LRRC4C: variants seen among roughly 807,000 people sequenced by gnomAD.
LRRC4C encodes the protein leucine-rich repeat-containing protein 4C.
LRRC4C carries 5 observed loss-of-function variants against 33.6 expected under a neutral mutation model. The ratio of observed to expected loss-of-function variants is 0.15; its 90% CI spans 0.08 to 0.31. The LOEUF is 0.31. Ranked by LOEUF, LRRC4C falls within the 10% of genes least tolerant of loss-of-function variation. LRRC4C has a pLI of 1.00. For missense variants in LRRC4C, 560 were observed against 796.7 expected (o/e 0.70, Z 3.58); for synonymous variants, 329 against 302.0 (o/e 1.09, Z -0.93).
intron 3 of LRRC4C, among the ~76,000 whole-genome samples, chr11:40,362,164 G>A (rs150267254): frequency 0.015 from 2,297 of 152,038 alleles, 20 homozygotes; most frequent in Middle Eastern, 0.041. Context: ...AAAACCCTGG[G>A]AAACAATATA....
intron 3 of LRRC4C, among the ~76,000 whole-genome samples, chr11:40,443,729 A>G (rs1951500066): frequency 6.6e-6 from 1 of 152,200 alleles, no homozygotes; most frequent in African/African-American, 2.4e-5. Flanking sequence ...TGAAGGTAGC[A>G]ATATGAAGCA....
chr11:40,367,672 T>A lies in LRRC4C; in HGVS notation c.-269-47951A>T, dbSNP rs542710304. ...CTTTTTTGGAGAACTTAGTTATCCATATATCTTATGTCCTTCTTCAACACT... is the reference window on the plus strand; with the variant it reads ...CTTTTTTGGAGAACTTAGTTATCCAAATATCTTATGTCCTTCTTCAACACT... On this transcript the variant is annotated intron_variant, in intron 3 of 6. Coordinates refer to ENST00000528697, the MANE Select transcript of LRRC4C (RefSeq NM_001258419.2). Among the ~76,000 whole-genome samples the A allele has an allele frequency of 2.6e-5, 4 of 152,270 alleles. No homozygotes were observed. In the East Asian group the frequency reaches 7.7e-4, roughly 29 times the overall value.
At chr11:41,403,100 T>C (rs958452848) in intron 1 of LRRC4C, among the ~76,000 whole-genome samples, 3 of 152,080 alleles carry the variant, frequency 2.0e-5, no homozygotes, top group East Asian at 1.9e-4. Context: ...CTGAAAACTA[T>C]GGTGAGGAGG....
At chr11:40,633,326 T>TCTCTTTCTTTCC in intron 3 of LRRC4C, among the ~76,000 whole-genome samples, 1 of 9,910 alleles carries the variant, frequency 1.0e-4, no homozygotes, top group Admixed American at 1.7e-3. Context: ...AAGTTTTCTT[T>TCTCTTTCTTTCC]TTCTTTCTTT....
intron 1 of LRRC4C, among the ~76,000 whole-genome samples, chr11:41,114,780 G>A (rs569399253): frequency 2.6e-5 from 4 of 152,142 alleles, no homozygotes; most frequent in South Asian, 4.1e-4. Flanking sequence ...GTTCAGCTAC[G>A]TAACTGAAAA....
At chr11:41,396,280 G>T (rs1003472404) in intron 1 of LRRC4C, among the ~76,000 whole-genome samples, 3 of 152,016 alleles carry the variant, frequency 2.0e-5, no homozygotes, top group African/African-American at 7.2e-5. Context: ...AGAAGTTGTG[G>T]TGCCACTTTC....
At chr11:40,365,751 C>T (rs752233157) in intron 3 of LRRC4C, among the ~76,000 whole-genome samples, 2 of 151,958 alleles carry the variant, frequency 1.3e-5, no homozygotes, top group Non-Finnish European at 2.9e-5. Flanking sequence ...GAACAATTAA[C>T]TTCATTGTCA....
chr11:41,232,747 GACACACACACAC>G (rs34632647), intron 1 of LRRC4C, among the ~76,000 whole-genome samples: 4 of 143,540 alleles, frequency 2.8e-5, no homozygotes, highest in East Asian at 2.0e-4. Flanking sequence ...GTGTTATCAA[GACACACACACAC>G]ACACACACAC....
chr11:40,477,578 T>C (rs904313821), intron 3 of LRRC4C, among the ~76,000 whole-genome samples: 5 of 152,220 alleles, frequency 3.3e-5, no homozygotes, highest in African/African-American at 7.2e-5. Context: ...CTTACTCATT[T>C]GCTTATGTTT....
intron 3 of LRRC4C, among the ~76,000 whole-genome samples, chr11:40,360,722 G>A (rs1274616117): frequency 2.6e-5 from 4 of 152,080 alleles, no homozygotes; most frequent in Non-Finnish European, 4.4e-5. Flanking sequence ...AAATTGAAAA[G>A]GAGGGACTCC....
chr11:41,363,436 C>T (rs1444784766), intron 1 of LRRC4C, among the ~76,000 whole-genome samples: 4 of 152,186 alleles, frequency 2.6e-5, no homozygotes, highest in African/African-American at 7.2e-5. Context: ...ATCTGTATAT[C>T]GCTAATCTTC....
rs187628939 is a variant in LRRC4C, at chr11:40,613,502, C to G, written c.-270+34640G>C. Among the ~76,000 whole-genome samples, 3 of 151,960 alleles carry G rather than the reference C, an allele frequency of 2.0e-5. No individual in the cohort carries two copies. The East Asian group carries it at 5.8e-4, about 29-fold the overall frequency. On this transcript the variant is annotated intron_variant, in intron 3 of 6. Coordinates refer to ENST00000528697, the MANE Select transcript of LRRC4C (RefSeq NM_001258419.2). Reference sequence around the variant, plus strand: ...ACTCTGGTTCTCCTGCTCTTTCCATCAAAACTGTAGTTACTTATTCTACTG... The same window carrying G: ...ACTCTGGTTCTCCTGCTCTTTCCATGAAAACTGTAGTTACTTATTCTACTG...
intron 6 of LRRC4C, among the ~76,000 whole-genome samples, chr11:40,126,551 A>T (rs1156713075): frequency 2.0e-5 from 3 of 152,226 alleles, no homozygotes; most frequent in Non-Finnish European, 4.4e-5. Context: ...TCAAAAATTT[A>T]AAAATGTACA....
intron 2 of LRRC4C, among the ~76,000 whole-genome samples, chr11:40,924,923 C>A (rs1189041808): frequency 1.3e-5 from 2 of 152,172 alleles, no homozygotes; most frequent in Non-Finnish European, 2.9e-5. Flanking sequence ...AGTGTGTTTA[C>A]TTCTGTCATT....
intron 2 of LRRC4C, among the ~76,000 whole-genome samples, chr11:40,759,395 A>G (rs1001754201): frequency 6.6e-6 from 1 of 151,534 alleles, no homozygotes; most frequent in African/African-American, 2.4e-5. Context: ...AAAATTTTCA[A>G]TCCAAGATAC....
chr11:40,541,460 A>G (rs1425761067), intron 3 of LRRC4C, among the ~76,000 whole-genome samples: 1 of 152,126 alleles, frequency 6.6e-6, no homozygotes, highest in African/African-American at 2.4e-5. Context: ...TCTTTTCTAT[A>G]ATTTCAGATT....
At chr11:40,244,311 GTC>G (rs1217084726) in intron 4 of LRRC4C, among the ~76,000 whole-genome samples, 3 of 152,040 alleles carry the variant, frequency 2.0e-5, no homozygotes, top group South Asian at 4.1e-4. Flanking sequence ...TGAGCTCTCA[GTC>G]TCTCAATCCT....
intron 2 of LRRC4C, among the ~76,000 whole-genome samples, chr11:40,849,898 CCTTT>C (rs1953394958): frequency 1.3e-5 from 2 of 151,424 alleles, no homozygotes; most frequent in South Asian, 4.2e-4. Flanking sequence ...TCTCTGATAG[CCTTT>C]CTTCTGCTTG....
chr11:40,184,576 G>A (rs896722462), intron 5 of LRRC4C, among the ~76,000 whole-genome samples: 1 of 152,174 alleles, frequency 6.6e-6, no homozygotes, highest in Non-Finnish European at 1.5e-5. Flanking sequence ...TGGCAGTCTT[G>A]GGGAGGTCAT....
Sources: allele counts gnomAD v4.1 joint callset (sites outside exome capture counted in the v4.1 genomes callset), GRCh38; gene constraint gnomAD v4.1.1; transcripts MANE v1.5; gene names NCBI Gene and HGNC (gene_info 2026-07-23, HGNC 2026-07-21).